The following PLPPR1 variants were observed in gnomAD, a reference collection of about 807,000 sequenced individuals.
PLPPR1 encodes phospholipid phosphatase related 1.
In PLPPR1, 10 loss-of-function variants were observed where a neutral mutation model predicts 33.1. The observed-to-expected ratio is 0.30, with a 90% CI of 0.19 to 0.51. PLPPR1 has a LOEUF of 0.51. PLPPR1 is among the 20% of genes least tolerant of loss of function. The pLI is 0.97. For missense variants in PLPPR1, 304 were observed against 408.1 expected (o/e 0.74, Z 2.20); for synonymous variants, 151 against 151.0 (o/e 1.00, Z 0.00).
At chr9:101,084,920 G>A (rs1200079140) in intron 1 of PLPPR1, among the ~76,000 whole-genome samples, 2 of 152,158 alleles carry the variant, frequency 1.3e-5, no homozygotes, top group African/African-American at 2.4e-5. Context: ...AACAGCAATG[G>A]CAACAAAAAT....
At chr9:101,230,888 T>G (rs1021566551) in intron 2 of PLPPR1, among the ~76,000 whole-genome samples, 5 of 151,912 alleles carry the variant, frequency 3.3e-5, no homozygotes, top group African/African-American at 1.2e-4. Context: ...TAAAATTTAT[T>G]TATTTTTTTT....
chr9:101,281,538 A>G (rs559056982), intron 3 of PLPPR1, among the ~76,000 whole-genome samples: 1 of 152,272 alleles, frequency 6.6e-6, no homozygotes, highest in East Asian at 1.9e-4. Flanking sequence ...CCAATACAGC[A>G]TGGTGCTGCC....
chr9:101,055,133 C>T (rs908651163), intron 1 of PLPPR1, among the ~76,000 whole-genome samples: 1 of 152,224 alleles, frequency 6.6e-6, no homozygotes, highest in African/African-American at 2.4e-5. Context: ...TGGGGCTTTT[C>T]ACACTTTGAA....
chr9:101,269,842 C>T, intron 2 of PLPPR1, 38 bp from the exon 3 acceptor site: 1 of 1,607,236 alleles, frequency 6.2e-7, no homozygotes, highest in Non-Finnish European at 8.5e-7. Context: ...GCTCCGAAGC[C>T]CTGCTAATGT....
At position 101,289,560 on chromosome 9, in the gene PLPPR1, T is replaced by C. The variant is rs1201782105; in HGVS notation, c.385+3324T>C. The stretch of plus-strand genomic sequence containing the variant: ...GTTGTGAGAGGGACCTGGTAGGAGA[T>C]AACTTGAATCCTGGGGGTGGTTCCC... On this transcript the variant is annotated intron_variant, in intron 4 of 7. Coordinates refer to ENST00000374874, the MANE Select transcript of PLPPR1 (RefSeq NM_207299.2). 2.0e-5 allele frequency among the ~76,000 whole-genome samples: 3 copies of C among 152,264 alleles called. No individual in the cohort carries two copies. The East Asian group carries it at 5.8e-4, about 29-fold the overall frequency.
intron 6 of PLPPR1, among the ~76,000 whole-genome samples, chr9:101,317,149 G>A (rs1212294872): frequency 6.6e-6 from 1 of 152,128 alleles, no homozygotes; most frequent in Admixed American, 6.5e-5. Context: ...TTACAGGTGA[G>A]AAAACAGACC....
intron 4 of PLPPR1, among the ~76,000 whole-genome samples, chr9:101,298,560 A>G (rs1304708881): frequency 6.6e-6 from 1 of 152,194 alleles, no homozygotes; most frequent in Non-Finnish European, 1.5e-5. Context: ...ACTTTATCAG[A>G]AAAAGACTTT....
At chr9:101,275,728 G>A (rs1002963813) in intron 3 of PLPPR1, among the ~76,000 whole-genome samples, 1 of 152,022 alleles carries the variant, frequency 6.6e-6, no homozygotes, top group Non-Finnish European at 1.5e-5. Context: ...CACAAGGCAT[G>A]AAAAAAATGG....
At chr9:101,138,882 G>A (rs1270530832) in intron 1 of PLPPR1, among the ~76,000 whole-genome samples, 1 of 152,104 alleles carries the variant, frequency 6.6e-6, no homozygotes, top group African/African-American at 2.4e-5. Flanking sequence ...TTTCCCCAGG[G>A]TTTGGTAGGA....
At chr9:101,292,329 A>C (rs1335256986) in intron 4 of PLPPR1, among the ~76,000 whole-genome samples, 5 of 152,200 alleles carry the variant, frequency 3.3e-5, no homozygotes, top group Admixed American at 3.3e-4. Flanking sequence ...TGTACCTGAA[A>C]GTGATGGGGA....
intron 4 of PLPPR1, among the ~76,000 whole-genome samples, chr9:101,301,708 T>G (rs145123762): frequency 1.9e-3 from 294 of 152,304 alleles, no homozygotes; most frequent in Non-Finnish European, 1.4e-3. Context: ...ATATAGGGCA[T>G]ATGGATCAAT....
intron 1 of PLPPR1, among the ~76,000 whole-genome samples, chr9:101,161,784 T>C (rs905954174): frequency 6.6e-6 from 1 of 152,140 alleles, no homozygotes; most frequent in African/African-American, 2.4e-5. Context: ...AAAGTTCTTT[T>C]CTGAAACTCT....
intron 1 of PLPPR1, among the ~76,000 whole-genome samples, chr9:101,039,578 A>T (rs1438595081): frequency 6.6e-6 from 1 of 152,176 alleles, no homozygotes; most frequent in Non-Finnish European, 1.5e-5. Flanking sequence ...GCCGATAAAG[A>T]CATACCTGAG....
At chr9:101,121,394 C>G (rs1408512268) in intron 1 of PLPPR1, among the ~76,000 whole-genome samples, 1 of 152,164 alleles carries the variant, frequency 6.6e-6, no homozygotes, top group Non-Finnish European at 1.5e-5. Context: ...TCTAAGTTCA[C>G]ATCATAGTAG....
At chr9:101,030,089 G>T (rs1225569955) in intron 1 of PLPPR1, among the ~76,000 whole-genome samples, 3 of 151,954 alleles carry the variant, frequency 2.0e-5, no homozygotes, top group Non-Finnish European at 4.4e-5. Context: ...TCTTCGGCCC[G>T]ACGGAAAAGG....
At chr9:101,290,457 T>C (rs1179142486) in intron 4 of PLPPR1, among the ~76,000 whole-genome samples, 1 of 152,202 alleles carries the variant, frequency 6.6e-6, no homozygotes, top group Non-Finnish European at 1.5e-5. Flanking sequence ...CTTTATGCTG[T>C]AAAAGATGAA....
At chr9:101,149,676 G>A (rs1831559388) in intron 1 of PLPPR1, among the ~76,000 whole-genome samples, 1 of 152,136 alleles carries the variant, frequency 6.6e-6, no homozygotes, top group Non-Finnish European at 1.5e-5. Context: ...TATGTTGCTA[G>A]AAAGGAGTCA....
intron 1 of PLPPR1, among the ~76,000 whole-genome samples, chr9:101,068,734 C>T (rs1243122134): frequency 1.3e-5 from 2 of 151,808 alleles, no homozygotes; most frequent in African/African-American, 2.4e-5. Context: ...GATTTCATTG[C>T]TGTTGCAGCT....
chr9:101,324,065 G>A lies in PLPPR1; in HGVS notation c.*8G>A, dbSNP rs1829205795. 5 of 1,610,540 alleles carry A rather than the reference G, an allele frequency of 3.1e-6. No individual in the cohort carries two copies. In the East Asian group the frequency reaches 1.1e-4, roughly 36 times the overall value. ...ATGACCGAAGTTACCTGAGACGACT[G>A]ATGTGTCACAAGCTGTTTTTTAAAA... On this transcript the variant is annotated 3_prime_UTR_variant, in exon 8 of 8. Transcript: ENST00000374874.
Sources: gnomAD v4.1 joint callset for allele counts (sites outside exome capture counted in the v4.1 genomes callset) on GRCh38, gnomAD v4.1.1 for gene constraint, MANE v1.5 for transcripts, NCBI Gene and HGNC (gene_info 2026-07-23, HGNC 2026-07-21) for gene names.